Variants in PLCH2 observed in about 807,000 individuals in gnomAD.
PLCH2 encodes phospholipase C eta 2.
In PLCH2, 98 loss-of-function variants were observed where a neutral mutation model predicts 134.7. That is an observed-to-expected ratio of 0.73 (90% CI 0.62 to 0.86). The LOEUF is 0.86. Ranked by LOEUF, PLCH2 falls within the 40% of genes least tolerant of loss-of-function variation. PLCH2 has a pLI of 0.00. For synonymous variants in PLCH2, 974 were observed against 827.5 expected (o/e 1.18, Z -3.04); for missense variants, 1,994 against 1,986.6 (o/e 1.00, Z -0.07).
At chr1:2,480,805 G>A (rs937993250) in intron 4 of PLCH2, among the ~76,000 whole-genome samples, 4 of 152,096 alleles carry the variant, frequency 2.6e-5, no homozygotes, top group Non-Finnish European at 5.9e-5. Context: ...GCTGAGCTGC[G>A]GCCTTTATTG....
intron 1 of PLCH2, among the ~76,000 whole-genome samples, chr1:2,468,229 C>T (rs1230821618): frequency 2.0e-5 from 3 of 152,240 alleles, no homozygotes; most frequent in Admixed American, 6.5e-5. Flanking sequence ...GCTGCTTTCT[C>T]TGGGGGGCCT....
At chr1:2,503,034 C>G (rs565399741) in intron 21 of PLCH2, 1 of 713,004 alleles carries the variant, frequency 1.4e-6, no homozygotes, top group African/African-American at 1.7e-5. Context: ...GCTCTGTATC[C>G]GTGGCACTGT....
intron 2 of PLCH2, among the ~76,000 whole-genome samples, chr1:2,437,578 A>C: frequency 6.6e-6 from 1 of 152,030 alleles, no homozygotes; most frequent in African/African-American, 2.4e-5. Flanking sequence ...CCACCCCTGC[A>C]GCCTCCACCC....
intron 1 of PLCH2, among the ~76,000 whole-genome samples, chr1:2,470,292 G>A (rs1465924132): frequency 6.6e-6 from 1 of 152,154 alleles, no homozygotes; most frequent in Non-Finnish European, 1.5e-5. Flanking sequence ...TGTGGGTGGG[G>A]GCCGACCCAG....
Position 2,503,907 on chromosome 1 carries a change from C to T in PLCH2, c.2960-15C>T. On this transcript the variant is annotated splice_polypyrimidine_tract_variant and intron_variant, in intron 21 of 21. Coordinates refer to ENST00000378486, the MANE Select transcript of PLCH2 (RefSeq NM_014638.4). ...TCTCCCTCTGGCTCTCTCTCACTCC[C>T]CCACCTCCCCACAGACACCCGCCCC... 1.4e-6 allele frequency: 1 copy of T among 720,586 alleles called. No homozygotes were observed. The highest frequency in any genetic ancestry group is 2.4e-6 in the Non-Finnish European group (1 of 408,544). 44.6% of individuals were successfully genotyped at this position (720,586 alleles called of 1,614,324 possible). A position where few individuals can be genotyped will look rare whatever the true frequency, so the allele number is the denominator to read the frequency against.
chr1:2,497,399 C>G (rs1158508088), intron 15 of PLCH2, 103 bp from the exon 16 acceptor site: 3 of 750,422 alleles, frequency 4.0e-6, no homozygotes, highest in South Asian at 3.4e-5. Flanking sequence ...ACGGCAGATA[C>G]GCGGCAGCTG....
upstream of PLCH2, among the ~76,000 whole-genome samples, chr1:2,422,197 A>G (rs1261063617): frequency 6.6e-6 from 1 of 152,168 alleles, no homozygotes; most frequent in Non-Finnish European, 1.5e-5. Context: ...TGAACCCAGG[A>G]GGTGGAAGTT....
At position 2,448,752 on chromosome 1, in the gene PLCH2, C is replaced by A. The variant is rs1396137332; in HGVS notation, c.115+18123C>A. 6.6e-6 allele frequency among the ~76,000 whole-genome samples: 1 copy of A among 152,088 alleles called. No homozygotes were observed. The highest frequency in any genetic ancestry group is 1.9e-4 in the East Asian group (1 of 5,164). On this transcript the variant is annotated intron_variant, in intron 2 of 3. Transcript: ENST00000609981. This position sits in a 1 kb window ranked among gnomAD's most constrained non-coding sequence, Gnocchi z 4.0. ...CATCCCCCCTGGTGCAGCCTCCTGG[C>A]TCCCCACCATCCAGTCTCTCCCTGG...
chr1:2,478,328 C>T (rs1198085225), intron 1 of PLCH2, 148 bp from the exon 2 acceptor site: 19 of 960,796 alleles, frequency 2.0e-5, no homozygotes, highest in African/African-American at 6.5e-5. Flanking sequence ...GCGGTGTGGG[C>T]GGGGCCGGGC....
upstream of PLCH2, among the ~76,000 whole-genome samples, chr1:2,465,322 T>C (rs1465567566): frequency 1.3e-5 from 2 of 152,186 alleles, no homozygotes; most frequent in Non-Finnish European, 2.9e-5. Context: ...AAAGCGGGGC[T>C]GAGGAGACAC....
In PLCH2 at chr1:2,429,903, C is replaced by T. The variant is rs1030492476; in HGVS notation, c.-177-435C>T. Among the ~76,000 whole-genome samples, 3 of 152,294 alleles carry T rather than the reference C, an allele frequency of 2.0e-5. No individual in the cohort carries two copies. In the East Asian group the frequency reaches 5.8e-4, roughly 29 times the overall value. ...GCCGGCCTCAGAGACACCCCAGGCA[C>T]CTCTTGCTTTGCAAATGTGCTCCTG... On this transcript the variant is annotated intron_variant, in intron 1 of 3. Coordinates refer to the PLCH2 transcript ENST00000609981.
At chr1:2,475,870 C>G (rs1221478611), upstream of PLCH2, among the ~76,000 whole-genome samples, 3 of 152,112 alleles carry the variant, frequency 2.0e-5, no homozygotes, top group Non-Finnish European at 4.4e-5. Flanking sequence ...CTGGGCGCTG[C>G]GGGGATGAGG....
At chr1:2,423,968 A>AG (rs1415776889), upstream of PLCH2, among the ~76,000 whole-genome samples, 1 of 152,142 alleles carries the variant, frequency 6.6e-6, no homozygotes, top group Non-Finnish European at 1.5e-5. Context: ...TAAAGTTTAC[A>AG]GGGGTGATTT....
rs1639837491 is a variant in PLCH2, at chr1:2,444,307, C to T, written c.115+13678C>T. On this transcript the variant is annotated intron_variant, in intron 2 of 3. Transcript: ENST00000609981. The surrounding 1 kb of genome is among the most constrained non-coding windows in gnomAD (Gnocchi z 4.6). ...CCCCTGCTGAGCCCAGGCCGGGCAC[C>T]CCGATCCCTGCCGGATGGTGCCGCA... Among the ~76,000 whole-genome samples the T allele has an allele frequency of 6.6e-6, 1 of 152,228 alleles. No individual in the cohort carries two copies. The highest frequency in any genetic ancestry group is 2.1e-4 in the South Asian group (1 of 4,836).
At position 2,437,783 on chromosome 1, in the gene PLCH2, C is replaced by CCA. The variant is rs1427272030; in HGVS notation, c.115+7161_115+7162dup. On this transcript the variant is annotated intron_variant, in intron 2 of 3. Coordinates refer to the PLCH2 transcript ENST00000609981. ...TGCACACACATATGTATACCCACCC[C>CCA]CACACACATAGGGAAACACATGTGT... Among the ~76,000 whole-genome samples the CCA allele has an allele frequency of 2.0e-5, 3 of 152,238 alleles. No individual in the cohort carries two copies. In the East Asian group the frequency reaches 5.8e-4, roughly 29 times the overall value.
Position 2,503,928 on chromosome 1 carries a change from GC to G in PLCH2, c.2971del (p.Leu991SerfsTer55). 1.7e-5 allele frequency: 5 copies of G among 286,946 alleles called. No homozygotes were observed. The highest frequency in any genetic ancestry group is 2.1e-5 in the Non-Finnish European group (4 of 190,190). 17.8% of individuals were successfully genotyped at this position (286,946 alleles called of 1,614,324 possible). On this transcript the variant is annotated frameshift_variant, in exon 22 of 22. Coordinates refer to ENST00000378486, the MANE Select transcript of PLCH2 (RefSeq NM_014638.4). LOFTEE classifies it high-confidence loss of function. Reference protein sequence around the residue: ...GPGSGSPRDTRPLSTQRPLPP... With the variant: ...GPGSGSPRDTXPLSTQRPLPP... ...CTCCCCCACCTCCCCACAGACACCC[GC>G]CCCCTCTCCACGCAGCGGCCACTCC...
rs1642901579 is a variant in PLCH2 at position 2,496,604 on chromosome 1, C to T, written c.1836-3C>T. 4 of 1,609,004 alleles carry T rather than the reference C, an allele frequency of 2.5e-6. No individual in the cohort carries two copies. In the East Asian group the frequency reaches 6.7e-5, roughly 27 times the overall value. ...GGGTTCTGACCCCCTGCACCTGCCA[C>T]AGGGCGACCCGGCAGAAGAAGACCA... On this transcript the variant is annotated splice_region_variant and splice_polypyrimidine_tract_variant and intron_variant, in intron 13 of 21. Coordinates refer to ENST00000378486, the MANE Select transcript of PLCH2 (RefSeq NM_014638.4).
At chr1:2,425,156 C>G (rs1638722164), upstream of PLCH2, among the ~76,000 whole-genome samples, 2 of 140,056 alleles carry the variant, frequency 1.4e-5, no homozygotes, top group Admixed American at 7.3e-5. Flanking sequence ...GAGTGTGACA[C>G]TCCGTCTCAA....
At position 2,503,904 on chromosome 1, in the gene PLCH2, T is replaced by TCCCCCC; in HGVS notation, c.2960-13_2960-12insCCCCCC. On this transcript the variant is annotated splice_polypyrimidine_tract_variant and intron_variant, in intron 21 of 21. Coordinates refer to ENST00000378486, the MANE Select transcript of PLCH2 (RefSeq NM_014638.4). ...GCTTCTCCCTCTGGCTCTCTCTCAC[T>TCCCCCC]CCCCCACCTCCCCACAGACACCCGC... The TCCCCCC allele has an allele frequency of 2.9e-6, 2 of 694,072 alleles. No homozygotes were observed. Among genetic ancestry groups the TCCCCCC allele is most frequent in the Non-Finnish European group, 5.1e-6 (2 of 391,102 alleles). The allele number at this position is 694,072 out of a possible 1,614,324, so 43.0% of individuals were successfully genotyped here. A position where few individuals can be genotyped will look rare whatever the true frequency, so the allele number is the denominator to read the frequency against.
Sources: gnomAD v4.1 joint callset for allele counts (sites outside exome capture counted in the v4.1 genomes callset) on GRCh38, gnomAD v4.1.1 for gene constraint, Gnocchi (gnomAD v3.1) non-coding constraint, MANE v1.5 for transcripts, NCBI Gene and HGNC (gene_info 2026-07-23, HGNC 2026-07-21) for gene names.